The following TMTC1 variants were observed in gnomAD, a reference collection of about 807,000 sequenced individuals.
TMTC1 encodes the protein protein O-mannosyl-transferase TMTC1.
A neutral mutation model predicts 104.8 loss-of-function variants in TMTC1; 73 were observed. The ratio of observed to expected loss-of-function variants is 0.70; its 90% CI spans 0.58 to 0.85. The LOEUF (loss-of-function observed/expected upper bound fraction) is 0.85, where lower values mean the gene tolerates loss of function less well. Among genes scored for constraint, TMTC1 ranks in the 40% least tolerant of loss-of-function variants. The pLI is 0.00. For synonymous variants in TMTC1, 434 were observed against 428.7 expected, an observed-to-expected ratio of 1.01 and a Z score of -0.15; for missense variants, 1,035 against 1,096.1, an observed-to-expected ratio of 0.94 and a Z score of 0.79.
intron 9 of TMTC1, among the ~76,000 whole-genome samples, chr12:29,570,701 G>A (rs1204593007): frequency 6.6e-6 from 1 of 151,970 alleles, no homozygotes; most frequent in South Asian, 2.1e-4. Context: ...AAAATTAGAC[G>A]ACCATGATGG....
intron 9 of TMTC1, among the ~76,000 whole-genome samples, chr12:29,565,180 G>A (rs1945476806): frequency 6.6e-6 from 1 of 152,176 alleles, no homozygotes. Flanking sequence ...AAGGCAGTCT[G>A]TGGGTAGGAT....
At chr12:29,557,985 G>C (rs78064631) in intron 9 of TMTC1, among the ~76,000 whole-genome samples, 2,659 of 152,122 alleles carry the variant, frequency 0.017, 77 homozygotes, top group African/African-American at 0.061. Flanking sequence ...CCAAAGGTAC[G>C]ATGAAGTCAA....
intron 1 of TMTC1, among the ~76,000 whole-genome samples, chr12:29,776,356 C>T (rs1341724757): frequency 6.6e-6 from 1 of 152,162 alleles, no homozygotes; most frequent in African/African-American, 2.4e-5. Context: ...GTAAACAGAA[C>T]CCATTGGTAT....
At chr12:29,649,966 A>G (rs1037016407) in intron 5 of TMTC1, among the ~76,000 whole-genome samples, 2 of 152,260 alleles carry the variant, frequency 1.3e-5, no homozygotes, top group Non-Finnish European at 2.9e-5. Context: ...TAAGATCATA[A>G]GATAATTTTA....
At chr12:29,693,229 GT>G (rs1941316913) in intron 5 of TMTC1, among the ~76,000 whole-genome samples, 1 of 144,562 alleles carries the variant, frequency 6.9e-6, no homozygotes, top group African/African-American at 2.5e-5. Context: ...CAAAGTTCTT[GT>G]TTTTTAAAAT....
intron 5 of TMTC1, among the ~76,000 whole-genome samples, chr12:29,643,922 T>C (rs1366608037): frequency 9.0e-6 from 1 of 110,856 alleles, no homozygotes; most frequent in Non-Finnish European, 1.7e-5. Flanking sequence ...TATAAATATA[T>C]ATAAATAAAT....
At chr12:29,669,278 A>C (rs1358227218) in intron 5 of TMTC1, among the ~76,000 whole-genome samples, 1 of 152,188 alleles carries the variant, frequency 6.6e-6, no homozygotes, top group East Asian at 1.9e-4. Context: ...TACAGTGGTG[A>C]ACAGAGAGAC....
chr12:29,606,159 G>C (rs989185291), intron 6 of TMTC1, among the ~76,000 whole-genome samples: 1 of 152,166 alleles, frequency 6.6e-6, no homozygotes, highest in African/African-American at 2.4e-5. Flanking sequence ...TGTGAAAAGT[G>C]CTGTGATAAA....
At chr12:29,610,960 G>C (rs1184032752) in intron 6 of TMTC1, among the ~76,000 whole-genome samples, 1 of 152,084 alleles carries the variant, frequency 6.6e-6, no homozygotes, top group Non-Finnish European at 1.5e-5. Flanking sequence ...TTTAAAAGGG[G>C]AAATGAATGA....
intron 5 of TMTC1, among the ~76,000 whole-genome samples, chr12:29,637,085 A>AAAAAACAC (rs374276185): frequency 2.1e-5 from 1 of 47,644 alleles, no homozygotes; most frequent in East Asian, 3.4e-4. Context: ...CAAAATGAGA[A>AAAAAACAC]ACACACACAC....
chr12:29,715,619 C>T (rs551176267), intron 5 of TMTC1, among the ~76,000 whole-genome samples: 1 of 152,202 alleles, frequency 6.6e-6, no homozygotes, highest in South Asian at 2.1e-4. Flanking sequence ...TTTATATTAG[C>T]TTGGCATTTG....
intron 6 of TMTC1, among the ~76,000 whole-genome samples, chr12:29,616,750 C>G (rs1005240307): frequency 6.6e-6 from 1 of 151,250 alleles, no homozygotes; most frequent in Non-Finnish European, 1.5e-5. Context: ...ATTTTCTACA[C>G]TAAAAATCAC....
At chr12:29,548,810 AAGGTT>A (rs1170767257) in intron 10 of TMTC1, among the ~76,000 whole-genome samples, 10 of 494 alleles carry the variant, frequency 0.02, no homozygotes, top group Non-Finnish European at 0.034. Flanking sequence ...TATAAGTATA[AAGGTT>A]ATATATTGCT....
intron 17 of TMTC1, among the ~76,000 whole-genome samples, chr12:29,507,917 C>G (rs1943735661): frequency 6.6e-6 from 1 of 152,206 alleles, no homozygotes; most frequent in African/African-American, 2.4e-5. Flanking sequence ...TGGATAAACA[C>G]CAGTGACCCT....
intron 11 of TMTC1, 81 bp from the exon 12 acceptor site, chr12:29,520,801 G>C: frequency 9.0e-7 from 1 of 1,111,334 alleles, no homozygotes; most frequent in Non-Finnish European, 1.3e-6. Context: ...AGCAGGAAAA[G>C]CAAAAAAAAA....
In TMTC1 at chr12:29,779,695, T is replaced by C. The variant is rs143881593; in HGVS notation, c.302+3755A>G. Among the ~76,000 whole-genome samples, 788 of 152,288 alleles carry C rather than the reference T, an allele frequency of 5.2e-3. 10 individuals carry two copies. Among genetic ancestry groups the C allele is most frequent in the African/African-American group, 0.017 (724 of 41,548 alleles). On this transcript the variant is annotated intron_variant, in intron 1 of 17. Transcript: ENST00000539277. The stretch of plus-strand genomic sequence containing the variant: ...ACTTACATTTTAATAAAAAATATGT[T>C]TGGAGTATTGCACTGAGAAAGGTCC...
At chr12:29,556,482 AT>A (rs1945248984) in intron 10 of TMTC1, among the ~76,000 whole-genome samples, 1 of 152,240 alleles carries the variant, frequency 6.6e-6, no homozygotes, top group Admixed American at 6.5e-5. Context: ...AAAAATGACT[AT>A]CCCACAGTCC....
At chr12:29,558,356 T>TA (rs2136265710) in intron 9 of TMTC1, among the ~76,000 whole-genome samples, 1 of 152,316 alleles carries the variant, frequency 6.6e-6, no homozygotes, top group African/African-American at 2.4e-5. Context: ...CTGTACCTTC[T>TA]AAGAAGATCA....
intron 5 of TMTC1, among the ~76,000 whole-genome samples, chr12:29,723,061 T>C (rs956568201): frequency 1.3e-5 from 2 of 152,018 alleles, no homozygotes; most frequent in African/African-American, 4.8e-5. Flanking sequence ...ATGTAAATTA[T>C]AAAGAGTACC....
Sources: allele counts gnomAD v4.1 joint callset (sites outside exome capture counted in the v4.1 genomes callset), GRCh38; gene constraint gnomAD v4.1.1; transcripts MANE v1.5; gene names NCBI Gene and HGNC (gene_info 2026-07-23, HGNC 2026-07-21).